Variants in EPGN observed in about 807,000 individuals in gnomAD.
The protein encoded by EPGN is epigen.
Under a neutral mutation model 20.7 loss-of-function variants are expected in EPGN, and 21 were observed. That is an observed-to-expected ratio of 1.01 (90% CI 0.72 to 1.46). The LOEUF is 1.46. EPGN is among the 40% of genes most tolerant of loss of function. The pLI is 0.00. For missense variants in EPGN, 199 were observed against 180.7 expected, an observed-to-expected ratio of 1.10 and a Z score of -0.58; for synonymous variants, 69 against 63.8, an observed-to-expected ratio of 1.08 and a Z score of -0.39.
Position 74,309,119 on chromosome 4 carries a change from GC to G in EPGN, c.72del (p.Val25Ter). 6.2e-7 allele frequency: 1 copy of G among 1,613,606 alleles called. No homozygotes were observed. The highest frequency in any genetic ancestry group is 8.5e-7 in the Non-Finnish European group (1 of 1,179,644). On this transcript the variant is annotated frameshift_variant, in exon 2 of 5. Coordinates refer to ENST00000413830, the MANE Select transcript of EPGN (RefSeq NM_001270989.2). LOFTEE classifies it high-confidence loss of function. The stretch of plus-strand genomic sequence containing the variant: ...AATGACAGCACTGACCGAAGAGGCA[GC>G]CGTGACTGTAACACCTCCAATCACA... ...NAMTALTEEA[A>X]VTVTPPITAQ...
At chr4:74,311,952 GAAAC>G (rs922420782) in intron 2 of EPGN, among the ~76,000 whole-genome samples, 10 of 152,072 alleles carry the variant, frequency 6.6e-5, no homozygotes, top group Non-Finnish European at 1.3e-4. Flanking sequence ...TCTAAAAAGT[GAAAC>G]AATCATCAAT....
At position 74,316,675 on chromosome 4, in the gene EPGN, C is replaced by T. The variant is rs979912924; in HGVS notation, c.*2038C>T. On this transcript the variant is annotated 3_prime_UTR_variant, in exon 5 of 5. Transcript: ENST00000413830. The stretch of plus-strand genomic sequence containing the variant: ...CCAGTGACAGACCACACCTAGAAAG[C>T]GTTTCTCTTCCTGAGTATTTCAAAA... Among the ~76,000 whole-genome samples the T allele has an allele frequency of 3.3e-5, 5 of 152,066 alleles. No individual in the cohort carries two copies. Among genetic ancestry groups the T allele is most frequent in the Non-Finnish European group, 5.9e-5 (4 of 68,012 alleles).
rs144389167 is a variant in EPGN at position 74,313,160 on chromosome 4, A to G, written c.397A>G (p.Ile133Val). Reference sequence around the variant, plus strand: ...TTTTCTTGTTATTTTTTACTGCTATATAAGAAAGAGGTATGAAAAAGACAA... The same window carrying G: ...TTTTCTTGTTATTTTTTACTGCTATGTAAGAAAGAGGTATGAAAAAGACAA... ...SGFLVIFYCY[I>V]RKRCLKLKSP... The change falls in exon 4 of 5, where the codon ATA becomes GTA. Residue 133 changes from isoleucine to valine, a missense_variant. Coordinates refer to ENST00000413830, the MANE Select transcript of EPGN (RefSeq NM_001270989.2). 1.3e-4 allele frequency: 202 copies of G among 1,610,428 alleles called. 2 individuals carry two copies. The African/African-American group carries it at 2.3e-3, about 19-fold the overall frequency.
In EPGN at chr4:74,313,031, T is replaced by A; in HGVS notation, c.268T>A (p.Tyr90Asn). Reference sequence around the variant, plus strand: ...CTTTTTTTAAAGGTGTTTTACTGGTTATACTGGAGAAAGGTGTGAGCACTT... The same window carrying A: ...CTTTTTTTAAAGGTGTTTTACTGGTAATACTGGAGAAAGGTGTGAGCACTT... Reference protein sequence around the residue: ...EKAICRCFTGYTGERCEHLTL... With the variant: ...EKAICRCFTGNTGERCEHLTL... The change falls in exon 4 of 5, where the codon TAT becomes AAT. Residue 90 changes from tyrosine to asparagine, a missense_variant. Physicochemically the swap from Tyr to Asn is moderately radical, Grantham distance 143. Transcript: ENST00000413830. 6.2e-7 allele frequency: 1 copy of A among 1,608,340 alleles called. No homozygotes were observed.
chr4:74,312,170 A>G lies in EPGN; in HGVS notation c.134-15A>G, dbSNP rs1439360103. 1.3e-6 allele frequency: 2 copies of G among 1,583,644 alleles called. No individual in the cohort carries two copies. The highest frequency in any genetic ancestry group is 1.2e-5 in the South Asian group (1 of 84,454). ...GACACATTTCATTTGCTAACATTGT[A>G]TCTCCTTTTCCTAGCTGACAACATA... On this transcript the variant is annotated splice_polypyrimidine_tract_variant and intron_variant, in intron 2 of 4. Transcript: ENST00000413830.
At chr4:74,313,265 A>C (rs562291300) in intron 4 of EPGN, 95 bp downstream of exon 4, 2 of 1,429,878 alleles carry the variant, frequency 1.4e-6, no homozygotes, top group African/African-American at 2.9e-5. Context: ...GACATGTAAA[A>C]TTTTTTTAAT....
Position 74,315,047 on chromosome 4 carries a change from C to T in EPGN, c.*410C>T, listed in dbSNP as rs138946793. On this transcript the variant is annotated 3_prime_UTR_variant, in exon 5 of 5. Coordinates refer to ENST00000413830, the MANE Select transcript of EPGN (RefSeq NM_001270989.2). ...TGTTCTTACTACCCAGCGTTTTTTA[C>T]CACCTAGATGGGCCTCTCTAAGTCT... 1.0e-3 allele frequency: 185 copies of T among 181,156 alleles called. 1 individual carries two copies. The highest frequency in any genetic ancestry group is 1.9e-3 in the Non-Finnish European group (162 of 87,118). The allele number at this position is 181,156 out of a possible 1,614,324, so 11.2% of individuals were successfully genotyped here.
intron 3 of EPGN, among the ~76,000 whole-genome samples, chr4:74,312,529 T>C (rs1751028313): frequency 6.6e-6 from 1 of 152,192 alleles, no homozygotes; most frequent in Non-Finnish European, 1.5e-5. Context: ...GCAGCATCTC[T>C]TGAACCTGGG....
Position 74,308,505 on chromosome 4 carries a change from A to G in EPGN, c.-29A>G. The G allele has an allele frequency of 6.2e-7, 1 of 1,601,348 alleles. No individual in the cohort carries two copies. Among genetic ancestry groups the G allele is most frequent in the Non-Finnish European group, 8.5e-7 (1 of 1,171,770 alleles). Reference sequence around the variant, plus strand: ...TTCCACCCGTCAGTCTAGAAGGATAAGAGAAAGAAAGTTAAGCAACTACAG... The same window carrying G: ...TTCCACCCGTCAGTCTAGAAGGATAGGAGAAAGAAAGTTAAGCAACTACAG... On this transcript the variant is annotated 5_prime_UTR_variant, in exon 1 of 5. Transcript: ENST00000413830.
rs1751190759 is a variant in EPGN, at chr4:74,314,765, A to G, written c.*128A>G. On this transcript the variant is annotated 3_prime_UTR_variant, in exon 5 of 5. Transcript: ENST00000413830. The stretch of plus-strand genomic sequence containing the variant: ...GAAAATAATGAAAGTTGGGATCACA[A>G]TGAAATGAGAAGATAAAATTCAGCG... The G allele has an allele frequency of 8.1e-6, 7 of 868,296 alleles. No individual in the cohort carries two copies. Among genetic ancestry groups the G allele is most frequent in the Non-Finnish European group, 1.1e-5 (6 of 570,820 alleles). The allele number at this position is 868,296 out of a possible 1,614,324, so 53.8% of individuals were successfully genotyped here.
At chr4:74,312,708 G>A (rs962887250) in intron 3 of EPGN, among the ~76,000 whole-genome samples, 2 of 152,134 alleles carry the variant, frequency 1.3e-5, no homozygotes, top group African/African-American at 4.8e-5. Context: ...GAGCAACTAA[G>A]ATACTATTTT....
intron 2 of EPGN, among the ~76,000 whole-genome samples, chr4:74,310,182 C>T (rs1358055505): frequency 6.6e-6 from 1 of 152,006 alleles, no homozygotes; most frequent in Non-Finnish European, 1.5e-5. Context: ...ATTATACTGG[C>T]CTGGCACAGT....
At chr4:74,313,373 T>C in intron 4 of EPGN, 2 of 1,393,288 alleles carry the variant, frequency 1.4e-6, no homozygotes, top group African/African-American at 3.0e-5. Flanking sequence ...CCTTCAGTTG[T>C]AATAGGAGAG....
chr4:74,309,281 A>G (rs1750738864), intron 2 of EPGN, 99 bp downstream of exon 2: 3 of 790,368 alleles, frequency 3.8e-6, no homozygotes, highest in Admixed American at 3.0e-5. Flanking sequence ...TTTAATATAT[A>G]TTTTATTATT....
intron 2 of EPGN, among the ~76,000 whole-genome samples, chr4:74,310,515 A>G (rs76325538): frequency 6.6e-6 from 1 of 151,988 alleles, no homozygotes; most frequent in Non-Finnish European, 1.5e-5. Context: ...AAATTAAAGA[A>G]GCATAGTTTT....
chr4:74,309,038 G>T, intron 1 of EPGN, 55 bp from the exon 2 acceptor site: 1 of 1,257,200 alleles, frequency 8.0e-7, no homozygotes, highest in Non-Finnish European at 1.1e-6. Context: ...TCCATCTGTT[G>T]CTTGTACATA....
intron 1 of EPGN, 134 bp downstream of exon 1, chr4:74,308,710 G>T: frequency 2.8e-6 from 2 of 711,310 alleles, no homozygotes; most frequent in East Asian, 2.7e-5. Flanking sequence ...ATGAATCTGT[G>T]GATTAATTTA....
Position 74,313,347 on chromosome 4 carries a change from G to A in EPGN, c.407+177G>A, listed in dbSNP as rs560687185. Reference sequence around the variant, plus strand: ...CATGCCTTTTCTCATAAACCCAGACGAGTGGTAAAAATTTGCCTTCAGTTG... The same window carrying A: ...CATGCCTTTTCTCATAAACCCAGACAAGTGGTAAAAATTTGCCTTCAGTTG... On this transcript the variant is annotated intron_variant, in intron 4 of 4. Transcript: ENST00000413830. 1.4e-5 allele frequency: 19 copies of A among 1,397,258 alleles called. 1 individual carries two copies. Among genetic ancestry groups the A allele is most frequent in the South Asian group, 5.3e-5 (3 of 56,128 alleles). 86.6% of individuals were successfully genotyped at this position (1,397,258 alleles called of 1,614,324 possible).
Position 74,314,934 on chromosome 4 carries a change from T to G in EPGN, c.*297T>G, listed in dbSNP as rs1215909111. The stretch of plus-strand genomic sequence containing the variant: ...CTCACTACAGAAAGACTGAGTTTCA[T>G]GCTCCTGGCTATGTCAGATGTGAAT... On this transcript the variant is annotated 3_prime_UTR_variant, in exon 5 of 5. Coordinates refer to ENST00000413830, the MANE Select transcript of EPGN (RefSeq NM_001270989.2). The G allele has an allele frequency of 2.6e-6, 1 of 383,940 alleles. No homozygotes were observed. Among genetic ancestry groups the G allele is most frequent in the Admixed American group, 4.3e-5 (1 of 23,146 alleles). 23.8% of individuals were successfully genotyped at this position (383,940 alleles called of 1,614,324 possible). A position where few individuals can be genotyped will look rare whatever the true frequency, so the allele number is the denominator to read the frequency against.
Sources: allele counts gnomAD v4.1 joint callset (sites outside exome capture counted in the v4.1 genomes callset), GRCh38; gene constraint gnomAD v4.1.1; transcripts MANE v1.5; gene names NCBI Gene and HGNC (gene_info 2026-07-23, HGNC 2026-07-21).